MGAT5: variants seen among roughly 807,000 people sequenced by gnomAD.
The protein encoded by MGAT5 is alpha-1,6-mannosylglycoprotein 6-beta-N-acetylglucosaminyltransferase, also known as alpha-1,6-mannosylglycoprotein 6-beta-N-acetylglucosaminyltransferase A.
A neutral mutation model predicts 94.3 loss-of-function variants in MGAT5; 30 were observed. That is an observed-to-expected ratio of 0.32 (90% CI 0.24 to 0.43). MGAT5 has a LOEUF of 0.43. Among genes scored for constraint, MGAT5 ranks in the 20% least tolerant of loss-of-function variants. MGAT5 has a pLI of 1.00. For missense variants in MGAT5, 691 were observed against 905.5 expected (o/e 0.76, Z 3.04); for synonymous variants, 310 against 322.9 (o/e 0.96, Z 0.43).
intron 1 of MGAT5, among the ~76,000 whole-genome samples, chr2:134,237,221 C>T (rs1462864193): frequency 6.6e-6 from 1 of 151,904 alleles, no homozygotes; most frequent in East Asian, 1.9e-4. Context: ...GTTTTGCTCA[C>T]TGCCTAAATT....
At chr2:134,225,077 C>CAAAAAA (rs1167660901) in intron 1 of MGAT5, among the ~76,000 whole-genome samples, 3 of 68,218 alleles carry the variant, frequency 4.4e-5, no homozygotes, top group African/African-American at 5.8e-5. Context: ...CCCTGTCTCA[C>CAAAAAA]AAAAAAAAAA....
intron 1 of MGAT5, among the ~76,000 whole-genome samples, chr2:134,220,363 G>T (rs1680698862): frequency 6.6e-6 from 1 of 151,860 alleles, no homozygotes; most frequent in Admixed American, 6.6e-5. Flanking sequence ...TGCCATAAAT[G>T]GCTCAGATAA....
intron 4 of MGAT5, among the ~76,000 whole-genome samples, chr2:134,328,607 T>C (rs1318294952): frequency 6.6e-6 from 1 of 152,104 alleles, no homozygotes; most frequent in African/African-American, 2.4e-5. Context: ...TTTGATTTAT[T>C]CATTCACTAC....
intron 2 of MGAT5, among the ~76,000 whole-genome samples, chr2:134,288,778 T>C (rs936634277): frequency 1.3e-5 from 2 of 152,274 alleles, no homozygotes; most frequent in South Asian, 4.1e-4. Context: ...TCCAGAAATA[T>C]TGCTGTTGTA....
chr2:134,304,795 C>T (rs1686232375), intron 2 of MGAT5, among the ~76,000 whole-genome samples: 1 of 152,170 alleles, frequency 6.6e-6, no homozygotes, highest in Non-Finnish European at 1.5e-5. Flanking sequence ...AGGCTGGTCT[C>T]AACCTACTGG....
At chr2:134,399,476 G>C (rs1010208861) in intron 10 of MGAT5, among the ~76,000 whole-genome samples, 2 of 152,158 alleles carry the variant, frequency 1.3e-5, no homozygotes, top group Admixed American at 6.5e-5. Context: ...AATGAGCTTA[G>C]GTGGATTTAA....
intron 10 of MGAT5, among the ~76,000 whole-genome samples, chr2:134,381,384 A>AGATAGATAGATAGATG (rs1343610776): frequency 4.0e-5 from 3 of 74,466 alleles, no homozygotes; most frequent in African/African-American, 1.7e-4. Flanking sequence ...AAGATAGATT[A>AGATAGATAGATAGATG]GATAGATAGA....
intron 4 of MGAT5, among the ~76,000 whole-genome samples, chr2:134,324,942 T>C (rs528937110): frequency 4.3e-4 from 65 of 152,058 alleles, no homozygotes; most frequent in African/African-American, 1.5e-3. Flanking sequence ...TTTATTGGTA[T>C]CTTTTTCATC....
chr2:134,252,156 G>A (rs148068522), upstream of MGAT5, among the ~76,000 whole-genome samples: 1,730 of 152,326 alleles, frequency 0.011, 13 homozygotes, highest in Middle Eastern at 0.02. Context: ...CCTGGGGAAA[G>A]TGGTCTGAGG....
At chr2:134,125,915 G>A (rs1685818071) in intron 1 of MGAT5, among the ~76,000 whole-genome samples, 1 of 152,206 alleles carries the variant, frequency 6.6e-6, no homozygotes, top group African/African-American at 2.4e-5. Context: ...TTAATTCTCT[G>A]TGTTTTAGGG....
At chr2:134,300,577 C>T (rs1685954113) in intron 2 of MGAT5, among the ~76,000 whole-genome samples, 1 of 152,086 alleles carries the variant, frequency 6.6e-6, no homozygotes, top group South Asian at 2.1e-4. Context: ...ACTTTACCAA[C>T]AGTTTGTACT....
chr2:134,434,071 G>C (rs1172295476), intron 14 of MGAT5, among the ~76,000 whole-genome samples: 1 of 152,126 alleles, frequency 6.6e-6, no homozygotes, highest in Non-Finnish European at 1.5e-5. Context: ...TGGCCCTTCT[G>C]TTACCACTCC....
At chr2:134,226,697 C>T (rs916238867) in intron 1 of MGAT5, among the ~76,000 whole-genome samples, 8 of 152,150 alleles carry the variant, frequency 5.3e-5, no homozygotes, top group Admixed American at 4.6e-4. Context: ...TTGATTTGAG[C>T]CCCTAGCGCC....
chr2:134,334,089 A>G (rs990362118), intron 4 of MGAT5, among the ~76,000 whole-genome samples: 4 of 152,158 alleles, frequency 2.6e-5, no homozygotes, highest in African/African-American at 9.7e-5. Flanking sequence ...GCTAAAAGCT[A>G]AATTGGATTG....
At chr2:134,435,352 G>A (rs1478171856) in intron 14 of MGAT5, among the ~76,000 whole-genome samples, 1 of 152,160 alleles carries the variant, frequency 6.6e-6, no homozygotes, top group African/African-American at 2.4e-5. Flanking sequence ...TGCCTAGAAT[G>A]TTCTTCCCAG....
chr2:134,123,772 G>T (rs146274808), intron 1 of MGAT5, among the ~76,000 whole-genome samples: 1 of 152,280 alleles, frequency 6.6e-6, no homozygotes, highest in African/African-American at 2.4e-5. Flanking sequence ...AGAAAAGGGA[G>T]GAAATAATTT....
intron 12 of MGAT5, among the ~76,000 whole-genome samples, chr2:134,421,655 G>A (rs896949598): frequency 1.6e-4 from 24 of 152,110 alleles, no homozygotes; most frequent in African/African-American, 5.3e-4. Flanking sequence ...AAAGTTTCGT[G>A]GGCAGTGGAC....
At chr2:134,121,308 G>C (rs911584329) in intron 1 of MGAT5, among the ~76,000 whole-genome samples, 2 of 152,236 alleles carry the variant, frequency 1.3e-5, no homozygotes, top group African/African-American at 2.4e-5. Context: ...CGGTGCGCCC[G>C]CTTGGTGCCC....
intron 1 of MGAT5, among the ~76,000 whole-genome samples, chr2:134,205,357 T>C (rs1679978082): frequency 6.6e-6 from 1 of 152,116 alleles, no homozygotes; most frequent in African/African-American, 2.4e-5. Context: ...TGAGGGTAGC[T>C]TGGAATGAGA....
Sources: allele counts gnomAD v4.1 joint callset (sites outside exome capture counted in the v4.1 genomes callset), GRCh38; gene constraint gnomAD v4.1.1; transcripts MANE v1.5; gene names NCBI Gene and HGNC (gene_info 2026-07-23, HGNC 2026-07-21).